ZMIZ1: variants seen among roughly 807,000 people sequenced by gnomAD.
The protein encoded by ZMIZ1 is zinc finger MIZ domain-containing protein 1.
In ZMIZ1, 17 loss-of-function variants were observed where a neutral mutation model predicts 113.9. The ratio of observed to expected loss-of-function variants is 0.15; its 90% CI spans 0.10 to 0.22. ZMIZ1 has a LOEUF of 0.22. Ranked by LOEUF, ZMIZ1 falls within the 10% of genes least tolerant of loss-of-function variation. The probability of loss-of-function intolerance (pLI) is 1.00; values close to 1 mark genes in which losing one functional copy is unlikely to be tolerated. For missense variants in ZMIZ1, 1,059 were observed against 1,477.8 expected, an observed-to-expected ratio of 0.72 and a Z score of 4.65; for synonymous variants, 607 against 603.1, an observed-to-expected ratio of 1.01 and a Z score of -0.09.
chr10:79,230,077 C>T (rs1482919527), intron 7 of ZMIZ1, among the ~76,000 whole-genome samples: 1 of 152,170 alleles, frequency 6.6e-6, no homozygotes, highest in Non-Finnish European at 1.5e-5. Context: ...GGGACGCTGC[C>T]CTCCTCCGTA....
In ZMIZ1 at chr10:79,313,744, T is replaced by A. The variant is rs1855353982; in HGVS notation, c.*995T>A. ...GCTCTTGGACAGCAAGCAAACCATT[T>A]CTCTCCGTCTGTTCTGTTTTTCTCC... is the stretch of plus-strand genomic sequence containing the variant. On this transcript the variant is annotated 3_prime_UTR_variant, in exon 25 of 25. Transcript: ENST00000334512. The A allele has an allele frequency of 3.3e-6, 1 of 306,684 alleles. No individual in the cohort carries two copies. Among genetic ancestry groups the A allele is most frequent in the Non-Finnish European group, 6.5e-6 (1 of 154,910 alleles). The allele number at this position is 306,684 out of a possible 1,614,324, so 19.0% of individuals were successfully genotyped here. A position where few individuals can be genotyped will look rare whatever the true frequency, so the allele number is the denominator to read the frequency against.
At chr10:79,173,398 C>T (rs569317877) in intron 4 of ZMIZ1, among the ~76,000 whole-genome samples, 2 of 152,122 alleles carry the variant, frequency 1.3e-5, no homozygotes, top group South Asian at 4.1e-4. Flanking sequence ...TTGGATGTCC[C>T]TGGCCTAGAG....
chr10:79,096,401 A>G (rs186582502), intron 1 of ZMIZ1, among the ~76,000 whole-genome samples: 2,252 of 152,264 alleles, frequency 0.015, 52 homozygotes, highest in African/African-American at 0.052. Flanking sequence ...GGTCCCAGCT[A>G]CTAGGGAGGC....
At chr10:79,106,246 G>A (rs987831713) in intron 1 of ZMIZ1, among the ~76,000 whole-genome samples, 3 of 152,248 alleles carry the variant, frequency 2.0e-5, no homozygotes. Flanking sequence ...CCAGGCCCTA[G>A]CTCTCCCAGA....
chr10:79,149,717 C>G (rs1202299291), intron 3 of ZMIZ1, among the ~76,000 whole-genome samples: 1 of 152,216 alleles, frequency 6.6e-6, no homozygotes, highest in African/African-American at 2.4e-5. Flanking sequence ...AGCTCGCCCT[C>G]CAGGAAGTTC....
At chr10:79,195,709 G>C (rs923169655) in intron 4 of ZMIZ1, among the ~76,000 whole-genome samples, 9 of 152,198 alleles carry the variant, frequency 5.9e-5, no homozygotes, top group Non-Finnish European at 1.2e-4. Context: ...GGGCAGGTTG[G>C]GTGGAACAAG....
At chr10:79,284,451 C>T (rs913537149) in intron 8 of ZMIZ1, among the ~76,000 whole-genome samples, 2 of 152,066 alleles carry the variant, frequency 1.3e-5, no homozygotes, top group Admixed American at 6.6e-5. Context: ...TTCTAGTTGA[C>T]AGGTAGGAAT....
chr10:79,147,922 A>G (rs74791648), intron 3 of ZMIZ1, among the ~76,000 whole-genome samples: 2 of 152,216 alleles, frequency 1.3e-5, no homozygotes, highest in Non-Finnish European at 2.9e-5. Flanking sequence ...CCTAGCCCAC[A>G]TGGGGAGCAG....
Position 79,292,074 on chromosome 10 carries a change from C to G in ZMIZ1, c.759-84C>G, listed in dbSNP as rs897590094. The G allele has an allele frequency of 3.7e-6, 5 of 1,345,974 alleles. No individual in the cohort carries two copies. In the African/African-American group the frequency reaches 7.2e-5, roughly 19 times the overall value. The allele number at this position is 1,345,974 out of a possible 1,614,324, so 83.4% of individuals were successfully genotyped here. A position where few individuals can be genotyped will look rare whatever the true frequency, so the allele number is the denominator to read the frequency against. On this transcript the variant is annotated intron_variant, in intron 10 of 24. Transcript: ENST00000334512. ...CTCTAGGTTCTGGGTACAGCTCCAT[C>G]ATCTCCCTTCCAGCCCACAGCTTGC...
intron 7 of ZMIZ1, among the ~76,000 whole-genome samples, chr10:79,244,627 T>C (rs142350680): frequency 3.3e-4 from 50 of 152,326 alleles, no homozygotes; most frequent in East Asian, 1.5e-3. Context: ...CAGATGAGTG[T>C]TGAGCAGGGC....
intron 7 of ZMIZ1, among the ~76,000 whole-genome samples, chr10:79,228,825 T>G (rs1849288067): frequency 1.3e-5 from 2 of 152,236 alleles, no homozygotes; most frequent in South Asian, 4.1e-4. Context: ...GGACCTGAGC[T>G]TGGGCTTCAA....
chr10:79,254,146 G>A (rs961110728), intron 7 of ZMIZ1, among the ~76,000 whole-genome samples: 3 of 152,360 alleles, frequency 2.0e-5, no homozygotes, highest in Admixed American at 2.0e-4. Flanking sequence ...CCACTTCTGA[G>A]GTTTTCCAGC....
intron 5 of ZMIZ1, among the ~76,000 whole-genome samples, chr10:79,207,066 C>T (rs547106173): frequency 8.1e-4 from 124 of 152,326 alleles, no homozygotes; most frequent in Admixed American, 2.8e-3. Flanking sequence ...GACCATCCTA[C>T]GTCAGTGGTT....
rs1853881863 is a variant in ZMIZ1, at chr10:79,296,233, C to T, written c.1231-238C>T. 1.9e-5 allele frequency: 11 copies of T among 575,930 alleles called. No homozygotes were observed. The South Asian group carries it at 2.2e-4, about 12-fold the overall frequency. The allele number at this position is 575,930 out of a possible 1,614,324, so 35.7% of individuals were successfully genotyped here. On this transcript the variant is annotated intron_variant, in intron 12 of 24. Coordinates refer to ENST00000334512, the MANE Select transcript of ZMIZ1 (RefSeq NM_020338.4). This position sits in a 1 kb window ranked among gnomAD's most constrained non-coding sequence, Gnocchi z 4.1. ...TGAAAGTGTCCCTGGAGTTCAGGGGCACATGTGCTCCAGGAAGAACGGCCT... is the reference window on the plus strand; with the variant it reads ...TGAAAGTGTCCCTGGAGTTCAGGGGTACATGTGCTCCAGGAAGAACGGCCT...
In ZMIZ1 at chr10:79,118,251, C is replaced by G. The variant is rs188260972; in HGVS notation, c.-336-664C>G. On this transcript the variant is annotated intron_variant, in intron 1 of 24. Coordinates refer to ENST00000334512, the MANE Select transcript of ZMIZ1 (RefSeq NM_020338.4). The surrounding 1 kb of genome is among the most constrained non-coding windows in gnomAD (Gnocchi z 4.1). ...GGGATGGGGGGAGGCCTCCTGACTTCAGTCAGCCCATGTTTTTCTGTTTGT... is the reference window on the plus strand; with the variant it reads ...GGGATGGGGGGAGGCCTCCTGACTTGAGTCAGCCCATGTTTTTCTGTTTGT... 2.0e-5 allele frequency among the ~76,000 whole-genome samples: 3 copies of G among 152,330 alleles called. No homozygotes were observed. Among genetic ancestry groups the G allele is most frequent in the African/African-American group, 4.8e-5 (2 of 41,564 alleles).
intron 7 of ZMIZ1, among the ~76,000 whole-genome samples, chr10:79,230,622 T>C (rs756717397): frequency 5.3e-5 from 8 of 152,044 alleles, no homozygotes; most frequent in Non-Finnish European, 7.4e-5. Flanking sequence ...AGAGAGAAAA[T>C]GGGAACTCCT....
At chr10:79,203,021 C>T (rs2132661105) in intron 5 of ZMIZ1, among the ~76,000 whole-genome samples, 1 of 152,306 alleles carries the variant, frequency 6.6e-6, no homozygotes, top group East Asian at 1.9e-4. Flanking sequence ...TGTCCATTGT[C>T]CTCAGTATGT....
chr10:79,285,217 G>A (rs1479587638), intron 8 of ZMIZ1, among the ~76,000 whole-genome samples: 1 of 152,250 alleles, frequency 6.6e-6, no homozygotes, highest in Non-Finnish European at 1.5e-5. Flanking sequence ...TCTAAGATGG[G>A]CATCTGTTGG....
At position 79,080,388 on chromosome 10, in the gene ZMIZ1, C is replaced by T. The variant is rs530608143; in HGVS notation, c.-337+11118C>T. 3.3e-5 allele frequency among the ~76,000 whole-genome samples: 5 copies of T among 150,074 alleles called. No homozygotes were observed. The East Asian group carries it at 7.9e-4, about 24-fold the overall frequency. ...GTGGCACGATCTCGGCTCACTGCAGCCTCTGCCTCCCGGGTTCAAGAGATT... is the reference window on the plus strand; with the variant it reads ...GTGGCACGATCTCGGCTCACTGCAGTCTCTGCCTCCCGGGTTCAAGAGATT... On this transcript the variant is annotated intron_variant, in intron 1 of 24. Coordinates refer to ENST00000334512, the MANE Select transcript of ZMIZ1 (RefSeq NM_020338.4).
Sources: gnomAD v4.1 joint callset for allele counts (sites outside exome capture counted in the v4.1 genomes callset) on GRCh38, gnomAD v4.1.1 for gene constraint, Gnocchi (gnomAD v3.1) non-coding constraint, MANE v1.5 for transcripts, NCBI Gene and HGNC (gene_info 2026-07-23, HGNC 2026-07-21) for gene names.